The following VPS8 variants were observed in gnomAD, a reference collection of about 807,000 sequenced individuals.
VPS8 encodes the protein vacuolar protein sorting-associated protein 8 homolog.
VPS8 carries 129 observed loss-of-function variants against 216.4 expected under a neutral mutation model. That is an observed-to-expected ratio of 0.60 (90% CI 0.52 to 0.69). The LOEUF (loss-of-function observed/expected upper bound fraction) is 0.69, where lower values mean the gene tolerates loss of function less well. Among genes scored for constraint, VPS8 ranks in the 30% least tolerant of loss-of-function variants. The probability of loss-of-function intolerance (pLI) is 0.00; values close to 1 mark genes in which losing one functional copy is unlikely to be tolerated. For missense variants in VPS8, 1,531 were observed against 1,683.5 expected (o/e 0.91, Z 1.59); for synonymous variants, 571 against 565.4 (o/e 1.01, Z -0.14).
rs778518125 is a variant in VPS8, at chr3:184,866,861, A to G, written c.1396-15A>G. The G allele has an allele frequency of 1.9e-6, 3 of 1,606,726 alleles. No individual in the cohort carries two copies. Among genetic ancestry groups the G allele is most frequent in the East Asian group, 2.2e-5 (1 of 44,732 alleles). On this transcript the variant is annotated splice_polypyrimidine_tract_variant and intron_variant, in intron 16 of 47. Coordinates refer to ENST00000625842, the MANE Select transcript of VPS8 (RefSeq NM_001009921.3). Reference sequence around the variant, plus strand: ...GAATTTTTTTACCTTTTTTGTATGTATGTTTTTCTTCCAGGCTTTGGTTGG... The same window carrying G: ...GAATTTTTTTACCTTTTTTGTATGTGTGTTTTTCTTCCAGGCTTTGGTTGG...
At chr3:184,935,146 A>G (rs1031636878) in intron 34 of VPS8, among the ~76,000 whole-genome samples, 2 of 152,080 alleles carry the variant, frequency 1.3e-5, no homozygotes, top group African/African-American at 4.8e-5. Flanking sequence ...TGGGCAACAT[A>G]GCAAGACCCC....
In VPS8 at chr3:184,859,976, C is replaced by T; in HGVS notation, c.1144-9C>T. ...GCTGGTTTTTAGGTTGTTTTTATTT[C>T]ATCATCAGGTAAAGAGAGATGAATC... is the stretch of plus-strand genomic sequence containing the variant. On this transcript the variant is annotated splice_polypyrimidine_tract_variant and intron_variant, in intron 14 of 47. Coordinates refer to ENST00000625842, the MANE Select transcript of VPS8 (RefSeq NM_001009921.3). The T allele has an allele frequency of 6.2e-7, 1 of 1,608,664 alleles. No homozygotes were observed. Among genetic ancestry groups the T allele is most frequent in the Non-Finnish European group, 8.5e-7 (1 of 1,176,966 alleles).
chr3:184,903,665 C>A (rs575947829), intron 25 of VPS8, among the ~76,000 whole-genome samples: 1 of 152,160 alleles, frequency 6.6e-6, no homozygotes, highest in African/African-American at 2.4e-5. Flanking sequence ...CCAGGCTGGT[C>A]TTAAACTCCT....
chr3:184,911,787 C>A (rs1736579947), intron 25 of VPS8, among the ~76,000 whole-genome samples: 1 of 152,126 alleles, frequency 6.6e-6, no homozygotes, highest in Non-Finnish European at 1.5e-5. Context: ...GGACTCCTTA[C>A]CCACCCCTCT....
At chr3:184,966,627 A>G (rs1747450545) in intron 38 of VPS8, 44 bp from the exon 39 acceptor site, 2 of 1,418,334 alleles carry the variant, frequency 1.4e-6, no homozygotes, top group East Asian at 2.3e-5. Context: ...GGGTAGAACT[A>G]TAAAGTGTTC....
chr3:184,957,606 A>G, intron 37 of VPS8, 85 bp downstream of exon 37: 2 of 1,404,684 alleles, frequency 1.4e-6, no homozygotes, highest in Non-Finnish European at 1.9e-6. Context: ...AGGGGAAAAA[A>G]TATATAATTT....
At chr3:185,036,192 G>GCC (rs1444616780) in intron 46 of VPS8, among the ~76,000 whole-genome samples, 1 of 152,120 alleles carries the variant, frequency 6.6e-6, no homozygotes, top group Admixed American at 6.5e-5. Context: ...GCTGCCCAAA[G>GCC]CAATTTACAG....
At chr3:185,011,826 G>T (rs1228590221) in intron 45 of VPS8, among the ~76,000 whole-genome samples, 1 of 152,178 alleles carries the variant, frequency 6.6e-6, no homozygotes, top group Non-Finnish European at 1.5e-5. Context: ...AGCATCAGTA[G>T]AAGCAGACCT....
intron 28 of VPS8, among the ~76,000 whole-genome samples, chr3:184,919,767 G>A (rs1318841221): frequency 1.3e-5 from 2 of 152,112 alleles, no homozygotes; most frequent in East Asian, 1.9e-4. Context: ...CAGACTGAAT[G>A]ATGGCTGAAC....
intron 46 of VPS8, among the ~76,000 whole-genome samples, chr3:185,034,155 G>A (rs112519046): frequency 6.6e-6 from 1 of 152,224 alleles, no homozygotes; most frequent in South Asian, 2.1e-4. Flanking sequence ...TTTGTTTTCT[G>A]TTCCTGTGTA....
At chr3:184,818,168 G>A (rs993007429) in intron 1 of VPS8, among the ~76,000 whole-genome samples, 3 of 152,136 alleles carry the variant, frequency 2.0e-5, no homozygotes, top group Non-Finnish European at 4.4e-5. Flanking sequence ...GGATCAGCTC[G>A]TGTGATATCT....
intron 14 of VPS8, 103 bp downstream of exon 14, chr3:184,855,921 G>C (rs1351193306): frequency 3.5e-6 from 3 of 846,324 alleles, no homozygotes; most frequent in Non-Finnish European, 5.4e-6. Context: ...TAAGTCTTTG[G>C]AGAGAGAGTG....
intron 33 of VPS8, 111 bp downstream of exon 33, chr3:184,929,775 T>C (rs1407239882): frequency 6.8e-6 from 4 of 586,134 alleles, no homozygotes; most frequent in African/African-American, 5.9e-5. Context: ...CAAATACACA[T>C]TGATAATTAA....
At chr3:185,032,883 G>T (rs554417934) in intron 46 of VPS8, among the ~76,000 whole-genome samples, 1 of 152,274 alleles carries the variant, frequency 6.6e-6, no homozygotes, top group South Asian at 2.1e-4. Context: ...TAGCCAGGAT[G>T]ATCTCAATCT....
intron 11 of VPS8, 96 bp from the exon 12 acceptor site, chr3:184,853,761 G>T (rs1724736628): frequency 7.9e-7 from 1 of 1,260,292 alleles, no homozygotes; most frequent in African/African-American, 1.5e-5. Context: ...GGTTAAGGAG[G>T]TAGGAGGTAG....
intron 46 of VPS8, among the ~76,000 whole-genome samples, chr3:185,039,539 G>A (rs1158188306): frequency 1.3e-5 from 2 of 150,582 alleles, no homozygotes; most frequent in African/African-American, 4.9e-5. Context: ...TTTTTTTTTT[G>A]GAAAAGAAAT....
At chr3:184,841,625 A>G (rs1489772179) in intron 7 of VPS8, among the ~76,000 whole-genome samples, 2 of 152,196 alleles carry the variant, frequency 1.3e-5, no homozygotes, top group African/African-American at 4.8e-5. Context: ...TTTGATATGT[A>G]TCATCTAATG....
chr3:184,888,672 G>A (rs977471643), intron 22 of VPS8, among the ~76,000 whole-genome samples: 31 of 152,046 alleles, frequency 2.0e-4, no homozygotes, highest in African/African-American at 6.8e-4. Context: ...GAGGTGTAGA[G>A]GTATTTCTAG....
rs140851364 is a variant in VPS8, at chr3:185,013,620, C to A, written c.4003-10716C>A. ...CCTTCTAGATGCTTTTTTATTCTTT[C>A]CTAAATTTTGATCTTATTAAGAGCT... On this transcript the variant is annotated intron_variant, in intron 45 of 47. Coordinates refer to ENST00000625842, the MANE Select transcript of VPS8 (RefSeq NM_001009921.3). Among the ~76,000 whole-genome samples, 670 of 152,262 alleles carry A rather than the reference C, an allele frequency of 4.4e-3. 11 individuals are homozygous for A. The highest frequency in any genetic ancestry group is 0.015 in the African/African-American group (617 of 41,548).
Sources: allele counts gnomAD v4.1 joint callset (sites outside exome capture counted in the v4.1 genomes callset), GRCh38; gene constraint gnomAD v4.1.1; transcripts MANE v1.5; gene names NCBI Gene and HGNC (gene_info 2026-07-23, HGNC 2026-07-21).